Variants in WDR70 observed in about 807,000 individuals in gnomAD.
WDR70 encodes WD repeat domain 70.
WDR70 carries 53 observed loss-of-function variants against 88.6 expected under a neutral mutation model. That is an observed-to-expected ratio of 0.60 (90% CI 0.48 to 0.75). The LOEUF (loss-of-function observed/expected upper bound fraction) is 0.75. Ranked by LOEUF, WDR70 falls within the 30% of genes least tolerant of loss-of-function variation. WDR70 has a pLI of 0.00. For missense variants in WDR70, 610 were observed against 823.2 expected (o/e 0.74, Z 3.17); for synonymous variants, 280 against 270.0 (o/e 1.04, Z -0.36).
intron 9 of WDR70, among the ~76,000 whole-genome samples, chr5:37,520,459 T>G (rs958200124): frequency 5.3e-5 from 8 of 152,106 alleles, no homozygotes; most frequent in African/African-American, 1.7e-4. Context: ...TTAATTTCTT[T>G]TCCTATCTTA....
chr5:37,501,849 G>A (rs898075619), intron 8 of WDR70, among the ~76,000 whole-genome samples: 4 of 152,066 alleles, frequency 2.6e-5, no homozygotes, highest in African/African-American at 9.7e-5. Context: ...CTGTAGCCTT[G>A]TCAATATAAT....
intron 9 of WDR70, among the ~76,000 whole-genome samples, chr5:37,535,193 A>G (rs1741628277): frequency 2.0e-5 from 3 of 152,142 alleles, no homozygotes; most frequent in Admixed American, 2.0e-4. Context: ...TACTGCACGT[A>G]GAGTAGTCAG....
Position 37,697,681 on chromosome 5 carries a change from G to A in WDR70, c.1119G>A (p.Gln373=). The A allele has an allele frequency of 6.2e-7, 1 of 1,613,786 alleles. No homozygotes were observed. The highest frequency in any genetic ancestry group is 2.2e-5 in the East Asian group (1 of 44,848). ...TTCATCCTAAGTTCCACTATAAACA[G>A]GCTCATGACTCGGGCACAGACACTT... ...LTVHPKFHYK[Q]AHDSGTDTSC... The change falls in exon 11 of 18, where the codon CAG becomes CAA. Residue 373 remains glutamine (Q), a synonymous_variant. Coordinates refer to ENST00000265107, the MANE Select transcript of WDR70 (RefSeq NM_018034.4).
At chr5:37,730,176 T>G (rs1415151933) in intron 17 of WDR70, among the ~76,000 whole-genome samples, 1 of 152,172 alleles carries the variant, frequency 6.6e-6, no homozygotes, top group East Asian at 1.9e-4. Flanking sequence ...TATCACAAAA[T>G]TATTGCTAAT....
At chr5:37,722,786 T>C (rs1747860546) in intron 14 of WDR70, 69 bp from the exon 15 acceptor site, 1 of 1,456,584 alleles carries the variant, frequency 6.9e-7, no homozygotes, top group Non-Finnish European at 9.6e-7. Context: ...AAGTATCTCA[T>C]GTTTTCAACA....
chr5:37,506,138 G>A, intron 8 of WDR70: 1 of 1,091,060 alleles, frequency 9.2e-7, no homozygotes, highest in East Asian at 2.4e-5. Flanking sequence ...TGGCCATTTT[G>A]AAGTTAATGT....
intron 8 of WDR70, among the ~76,000 whole-genome samples, chr5:37,499,616 T>TCTCTCTCTCG (rs1740343115): frequency 6.6e-6 from 1 of 151,096 alleles, no homozygotes; most frequent in South Asian, 2.1e-4. Flanking sequence ...TCTCTCTCTC[T>TCTCTCTCTCG]CTCTCTCTCT....
At chr5:37,633,821 A>G (rs1158277197) in intron 10 of WDR70, among the ~76,000 whole-genome samples, 1 of 152,146 alleles carries the variant, frequency 6.6e-6, no homozygotes. Flanking sequence ...ATTCCCTACT[A>G]TATTCCTAAA....
At chr5:37,713,128 C>A (rs1747563550) in intron 13 of WDR70, among the ~76,000 whole-genome samples, 1 of 152,022 alleles carries the variant, frequency 6.6e-6, no homozygotes, top group South Asian at 2.1e-4. Flanking sequence ...AGATTCAAAC[C>A]CTGCAGTGAA....
At chr5:37,725,173 T>C in intron 16 of WDR70, 123 bp downstream of exon 16, 1 of 738,974 alleles carries the variant, frequency 1.4e-6, no homozygotes, top group Non-Finnish European at 2.3e-6. Flanking sequence ...ATTTTACTAG[T>C]GTTTTAAAAA....
chr5:37,566,623 T>C (rs1561905156), intron 9 of WDR70, among the ~76,000 whole-genome samples: 1 of 152,196 alleles, frequency 6.6e-6, no homozygotes, highest in Non-Finnish European at 1.5e-5. Context: ...CACAAGTAAT[T>C]GGCATTTTAC....
chr5:37,735,727 AG>A (rs1748287689), intron 17 of WDR70, among the ~76,000 whole-genome samples: 2 of 152,178 alleles, frequency 1.3e-5, no homozygotes, highest in African/African-American at 2.4e-5. Context: ...AATATTTAAA[AG>A]GATCTTTTCG....
At chr5:37,449,622 T>G (rs1022976295) in intron 7 of WDR70, among the ~76,000 whole-genome samples, 1 of 134,352 alleles carries the variant, frequency 7.4e-6, no homozygotes, top group South Asian at 2.2e-4. Context: ...AAAAAATAAA[T>G]AAATAAATAA....
chr5:37,612,922 C>G (rs1372452406), intron 10 of WDR70, among the ~76,000 whole-genome samples: 1 of 152,078 alleles, frequency 6.6e-6, no homozygotes, highest in Non-Finnish European at 1.5e-5. Context: ...GGTTACATTT[C>G]CAAAAAAGTA....
intron 9 of WDR70, among the ~76,000 whole-genome samples, chr5:37,528,366 A>C (rs1472991872): frequency 6.6e-6 from 1 of 152,214 alleles, no homozygotes; most frequent in Non-Finnish European, 1.5e-5. Flanking sequence ...ATTGTCAGCA[A>C]ACTATCACAA....
chr5:37,397,528 A>T (rs181060125), intron 5 of WDR70, among the ~76,000 whole-genome samples: 305 of 152,312 alleles, frequency 2.0e-3, no homozygotes, highest in Non-Finnish European at 2.2e-3. Context: ...ATGATGGGTA[A>T]ATTTGGGAGG....
At chr5:37,693,058 C>G (rs1018007113) in intron 10 of WDR70, among the ~76,000 whole-genome samples, 3 of 150,160 alleles carry the variant, frequency 2.0e-5, no homozygotes, top group African/African-American at 7.6e-5. Context: ...CACAAGCATT[C>G]CTATACACCA....
chr5:37,713,963 G>C (rs1450198456), intron 13 of WDR70, among the ~76,000 whole-genome samples: 1 of 152,162 alleles, frequency 6.6e-6, no homozygotes, highest in Admixed American at 6.5e-5. Flanking sequence ...GGAAGAACAA[G>C]TTCTATAATT....
chr5:37,407,934 T>C (rs1486899376), intron 5 of WDR70, among the ~76,000 whole-genome samples: 2 of 152,142 alleles, frequency 1.3e-5, no homozygotes, highest in African/African-American at 2.4e-5. Context: ...TATTAGTTAG[T>C]GTATTATTAA....
Sources: gnomAD v4.1 joint callset for allele counts (sites outside exome capture counted in the v4.1 genomes callset) on GRCh38, gnomAD v4.1.1 for gene constraint, MANE v1.5 for transcripts, NCBI Gene and HGNC (gene_info 2026-07-23, HGNC 2026-07-21) for gene names.